MORN3: variants seen among roughly 807,000 people sequenced by gnomAD.
The protein encoded by MORN3 is MORN repeat-containing protein 3.
In MORN3, 38 loss-of-function variants were observed where a neutral mutation model predicts 34.7. The observed-to-expected ratio is 1.10, with a 90% CI of 0.85 to 1.44. The LOEUF is 1.44. Among genes scored for constraint, MORN3 ranks in the 40% most tolerant of loss-of-function variants. The probability of loss-of-function intolerance (pLI) is 0.00; values close to 1 mark genes in which losing one functional copy is unlikely to be tolerated. For synonymous variants in MORN3, 109 were observed against 115.3 expected, an observed-to-expected ratio of 0.95 and a Z score of 0.35; for missense variants, 311 against 321.7, an observed-to-expected ratio of 0.97 and a Z score of 0.25.
upstream of MORN3, among the ~76,000 whole-genome samples, chr12:121,670,802 C>G (rs745605036): frequency 3.6e-5 from 5 of 140,342 alleles, no homozygotes; most frequent in Non-Finnish European, 6.1e-5. Flanking sequence ...GAGCAAGACT[C>G]AGTCTTAAAA....
At chr12:121,652,937 C>A in intron 4 of MORN3, 129 bp from the exon 5 acceptor site, 3 of 1,424,416 alleles carry the variant, frequency 2.1e-6, no homozygotes. Flanking sequence ...CTAGGGATGC[C>A]CTGACTGAAA....
At chr12:121,654,616 T>C (rs564951273) in intron 2 of MORN3, among the ~76,000 whole-genome samples, 183 bp from the exon 3 acceptor site, 17 of 151,950 alleles carry the variant, frequency 1.1e-4, no homozygotes, top group African/African-American at 2.9e-4. Flanking sequence ...TGTTTGTTTT[T>C]AGACAGAGAT....
intron 5 of MORN3, among the ~76,000 whole-genome samples, chr12:121,652,461 T>C (rs1396064252): frequency 1.3e-5 from 2 of 152,178 alleles, no homozygotes; most frequent in African/African-American, 4.8e-5. Context: ...CTCAAATTCC[T>C]GACCTCAACT....
intron 2 of MORN3, among the ~76,000 whole-genome samples, chr12:121,654,755 G>A (rs980330585): frequency 4.0e-5 from 6 of 151,528 alleles, no homozygotes; most frequent in African/African-American, 7.3e-5. Flanking sequence ...GCATCACCAC[G>A]CCCTGCTAAT....
intron 1 of MORN3, among the ~76,000 whole-genome samples, chr12:121,660,638 C>T (rs1893554332): frequency 1.3e-5 from 2 of 149,794 alleles, no homozygotes; most frequent in Non-Finnish European, 3.0e-5. Flanking sequence ...CATGAGCCAC[C>T]GCACCCGGCC....
upstream of MORN3, among the ~76,000 whole-genome samples, chr12:121,671,363 G>A (rs1203316509): frequency 7.3e-6 from 1 of 136,506 alleles, no homozygotes; most frequent in Non-Finnish European, 1.6e-5. Context: ...CCGAGATCGC[G>A]CCACTGCACT....
At chr12:121,667,021 C>G (rs969856367) in intron 1 of MORN3, among the ~76,000 whole-genome samples, 1 of 139,152 alleles carries the variant, frequency 7.2e-6, no homozygotes, top group African/African-American at 2.7e-5. Flanking sequence ...AGTGCAATGG[C>G]GCAATCTCAG....
intron 1 of MORN3, among the ~76,000 whole-genome samples, chr12:121,668,055 A>G (rs746173191): frequency 6.7e-6 from 1 of 150,190 alleles, no homozygotes; most frequent in Non-Finnish European, 1.5e-5. Context: ...TTTTTAGTAG[A>G]GATGGGATTT....
chr12:121,669,665 T>C, upstream of MORN3: 1 of 811,934 alleles, frequency 1.2e-6, no homozygotes, highest in Non-Finnish European at 1.9e-6. Context: ...GACCTTTGGT[T>C]GGCCCCTCCC....
At chr12:121,662,011 CAGAGAA>C (rs1833472801) in intron 1 of MORN3, among the ~76,000 whole-genome samples, 1 of 151,882 alleles carries the variant, frequency 6.6e-6, no homozygotes, top group Middle Eastern at 3.4e-3. Flanking sequence ...ATAAGCCAAG[CAGAGAA>C]AGACAAATAC....
At chr12:121,671,151 T>C (rs1370712850), upstream of MORN3, among the ~76,000 whole-genome samples, 6 of 145,972 alleles carry the variant, frequency 4.1e-5, no homozygotes, top group African/African-American at 1.3e-4. Context: ...CTCACGCCTG[T>C]AATCCCAGCA....
At chr12:121,669,265 C>G (rs887268944) in intron 1 of MORN3, 74 bp downstream of exon 1, 6 of 1,585,158 alleles carry the variant, frequency 3.8e-6, no homozygotes, top group Non-Finnish European at 5.2e-6. Flanking sequence ...GAGCTCTGCA[C>G]TCTGCCTTCC....
chr12:121,656,081 GT>G (rs1169848110), intron 2 of MORN3, among the ~76,000 whole-genome samples: 1 of 152,118 alleles, frequency 6.6e-6, no homozygotes, highest in Non-Finnish European at 1.5e-5. Context: ...AACAAGGTCT[GT>G]TTGCAGATCA....
rs1893186290 is a variant in MORN3, at chr12:121,648,743, C to T, written c.*2908G>A. On this transcript the variant is annotated 3_prime_UTR_variant, in exon 6 of 6. Coordinates refer to ENST00000355329, the MANE Select transcript of MORN3 (RefSeq NM_173855.5). ...AAACACTCCTAGTTAGGAGCACAGT[C>T]TCTTTAACTTCATTTTTATTTACAT... The T allele has an allele frequency of 6.6e-6, 1 of 152,276 alleles. No homozygotes were observed. The highest frequency in any genetic ancestry group is 2.4e-5 in the African/African-American group (1 of 41,562). 9.4% of individuals were successfully genotyped at this position (152,276 alleles called of 1,614,324 possible). A position where few individuals can be genotyped will look rare whatever the true frequency, so the allele number is the denominator to read the frequency against.
upstream of MORN3, among the ~76,000 whole-genome samples, chr12:121,669,834 T>TAATATATATATATATATATATA (rs1566488482): frequency 3.1e-4 from 29 of 92,268 alleles, no homozygotes; most frequent in African/African-American, 1.1e-3. Flanking sequence ...ATATATATAT[T>TAATATATATATATATATATATA]TTTTTTTTTA....
At chr12:121,662,427 C>T (rs1893610364) in intron 1 of MORN3, among the ~76,000 whole-genome samples, 1 of 152,014 alleles carries the variant, frequency 6.6e-6, no homozygotes, top group African/African-American at 2.4e-5. Context: ...GATTGCGCCA[C>T]TGCACTCCAG....
rs751813787 is a variant in MORN3 at position 121,659,242 on chromosome 12, T to A, written c.252A>T (p.Thr84=). The part of the protein sequence containing the change: ...YGTLSLPDQQ[T]GKCRRVYSGW... ...CTGAGTAGACTCTCCTGCACTTTCCTGTCTGTTGGTCAGGAAGGCTGAGGG... is the reference window on the plus strand; with the variant it reads ...CTGAGTAGACTCTCCTGCACTTTCCAGTCTGTTGGTCAGGAAGGCTGAGGG... The change falls in exon 2 of 6, where the codon ACA becomes ACT. Residue 84 remains threonine (T), a synonymous_variant. Transcript: ENST00000355329. The A allele has an allele frequency of 2.5e-6, 4 of 1,613,940 alleles. No individual in the cohort carries two copies.
intron 2 of MORN3, among the ~76,000 whole-genome samples, chr12:121,656,845 G>T (rs1246066049): frequency 1.3e-5 from 2 of 151,966 alleles, no homozygotes; most frequent in African/African-American, 4.8e-5. Context: ...CTCTAGGCTG[G>T]GCTTGATGAC....
chr12:121,667,551 G>A (rs186109195), intron 1 of MORN3, among the ~76,000 whole-genome samples: 17 of 150,486 alleles, frequency 1.1e-4, no homozygotes, highest in East Asian at 4.0e-4. Flanking sequence ...CACTGTCCCC[G>A]GCCTGCAACC....
Sources: allele counts gnomAD v4.1 joint callset (sites outside exome capture counted in the v4.1 genomes callset), GRCh38; gene constraint gnomAD v4.1.1; transcripts MANE v1.5; gene names NCBI Gene and HGNC (gene_info 2026-07-23, HGNC 2026-07-21).